Variants in QTMAN observed in about 807,000 individuals in gnomAD.
The protein encoded by QTMAN is queuosine-tRNA mannosyltransferase.
At chr2:144,045,529 G>A in the QTMAN span, among the ~76,000 whole-genome samples, 1 of 152,168 alleles carries the variant, frequency 6.6e-6, no homozygotes, top group South Asian at 2.1e-4. Flanking sequence ...GAGCAAAGCA[G>A]AAAGTTAGAA....
the QTMAN span, chr2:143,944,957 G>A: frequency 6.6e-6 from 1 of 150,638 alleles, no homozygotes; most frequent in Non-Finnish European, 1.5e-5. Flanking sequence ...AAAGATCTAT[G>A]GGTACTAGTT....
At chr2:144,285,909 T>C in the QTMAN span, among the ~76,000 whole-genome samples, 2 of 152,232 alleles carry the variant, frequency 1.3e-5, no homozygotes, top group Non-Finnish European at 2.9e-5. Context: ...TGTTACTCTC[T>C]CATCCAGAGG....
At chr2:144,156,035 T>C in the QTMAN span, among the ~76,000 whole-genome samples, 3 of 152,140 alleles carry the variant, frequency 2.0e-5, no homozygotes, top group African/African-American at 7.2e-5. Flanking sequence ...ATATTCAGTC[T>C]TTCAGTAATC....
chr2:144,030,758 T>C, the QTMAN span, among the ~76,000 whole-genome samples: 1 of 152,110 alleles, frequency 6.6e-6, no homozygotes, highest in East Asian at 1.9e-4. Flanking sequence ...GATATGCAAT[T>C]GGAAGTATAC....
the QTMAN span, chr2:143,952,086 C>G: frequency 1.8e-5 from 28 of 1,524,346 alleles, no homozygotes; most frequent in Non-Finnish European, 2.5e-5. Context: ...GCAGGAAAAA[C>G]AGATACATTT....
At chr2:144,256,770 T>C in the QTMAN span, among the ~76,000 whole-genome samples, 1 of 151,988 alleles carries the variant, frequency 6.6e-6, no homozygotes, top group Admixed American at 6.6e-5. Flanking sequence ...ATGCAGGGCT[T>C]AAAACCTAGA....
the QTMAN span, chr2:143,957,401 C>A: frequency 9.9e-7 from 1 of 1,009,524 alleles, no homozygotes; most frequent in South Asian, 2.7e-5. Flanking sequence ...TATGAGATGT[C>A]AGCAGTGTCT....
chr2:144,165,068 A>G, the QTMAN span, among the ~76,000 whole-genome samples: 2 of 152,290 alleles, frequency 1.3e-5, no homozygotes, highest in Non-Finnish European at 2.9e-5. Flanking sequence ...CCTGTTCAAA[A>G]TTAAGCAAGT....
the QTMAN span, among the ~76,000 whole-genome samples, chr2:144,148,672 CAT>C: frequency 6.6e-6 from 1 of 151,858 alleles, no homozygotes; most frequent in African/African-American, 2.4e-5. Flanking sequence ...ATTTCTACCA[CAT>C]GTCCCCCTAC....
At chr2:144,151,788 A>T in the QTMAN span, among the ~76,000 whole-genome samples, 2 of 152,234 alleles carry the variant, frequency 1.3e-5, no homozygotes, top group African/African-American at 4.8e-5. Context: ...GTGTAGAGAG[A>T]TAACTGAGTT....
chr2:144,269,626 G>A, the QTMAN span, among the ~76,000 whole-genome samples: 2 of 151,868 alleles, frequency 1.3e-5, no homozygotes, highest in East Asian at 3.9e-4. Context: ...TCCAAGATAT[G>A]GAAGGGGTTC....
the QTMAN span, among the ~76,000 whole-genome samples, chr2:144,092,641 A>G: frequency 2.0e-5 from 3 of 152,188 alleles, no homozygotes; most frequent in Admixed American, 6.5e-5. Flanking sequence ...TGAGAGTACA[A>G]GTTATTTTTC....
the QTMAN span, among the ~76,000 whole-genome samples, chr2:144,103,714 G>A: frequency 6.6e-6 from 1 of 152,102 alleles, no homozygotes; most frequent in East Asian, 1.9e-4. Flanking sequence ...ATTTAGAAAT[G>A]GTAATCTGAA....
chr2:144,033,600 T>C, the QTMAN span, among the ~76,000 whole-genome samples: 22 of 152,316 alleles, frequency 1.4e-4, no homozygotes, highest in Non-Finnish European at 3.1e-4. Flanking sequence ...GATTACATCA[T>C]TGGCCATTGC....
the QTMAN span, among the ~76,000 whole-genome samples, chr2:144,054,255 GA>G: frequency 9.9e-5 from 15 of 152,072 alleles, no homozygotes; most frequent in Non-Finnish European, 2.1e-4. Context: ...GAACAAAAGA[GA>G]AAGACTGAAT....
At chr2:144,281,301 AT>A in the QTMAN span, among the ~76,000 whole-genome samples, 1 of 151,626 alleles carries the variant, frequency 6.6e-6, no homozygotes, top group South Asian at 2.1e-4. Context: ...CTACAATCCA[AT>A]AATTCTATCC....
At chr2:144,228,680 C>T in the QTMAN span, among the ~76,000 whole-genome samples, 1 of 152,134 alleles carries the variant, frequency 6.6e-6, no homozygotes, top group Non-Finnish European at 1.5e-5. Flanking sequence ...AATGAAAGGC[C>T]AGGCGCAGTG....
the QTMAN span, chr2:143,964,090 T>C: frequency 1.3e-5 from 2 of 152,156 alleles, no homozygotes; most frequent in African/African-American, 2.4e-5. Flanking sequence ...GTAAATAATG[T>C]ATTCAAAATT....
chr2:144,017,062 T>C, the QTMAN span, among the ~76,000 whole-genome samples: 75 of 152,068 alleles, frequency 4.9e-4, 1 homozygote, highest in African/African-American at 1.4e-3. Flanking sequence ...TGGAGCACAG[T>C]GGCACGATCC....
Sources: gnomAD v4.1 joint callset for allele counts (sites outside exome capture counted in the v4.1 genomes callset) on GRCh38, gnomAD v4.1.1 for gene constraint, MANE v1.5 for transcripts, NCBI Gene and HGNC (gene_info 2026-07-23, HGNC 2026-07-21) for gene names.